The following GRID1 variants were observed in gnomAD, a reference collection of about 807,000 sequenced individuals.
GRID1 encodes glutamate ionotropic receptor delta type subunit 1.
In GRID1, 28 loss-of-function variants were observed where a neutral mutation model predicts 98.0. The ratio of observed to expected loss-of-function variants is 0.29; its 90% CI spans 0.21 to 0.39. GRID1 has a LOEUF of 0.39. GRID1 is among the 10% of genes least tolerant of loss of function. The probability of loss-of-function intolerance (pLI) is 1.00; values close to 1 mark genes in which losing one functional copy is unlikely to be tolerated. For synonymous variants in GRID1, 553 were observed against 538.5 expected (o/e 1.03, Z -0.37); for missense variants, 1,111 against 1,340.5 (o/e 0.83, Z 2.67).
At chr10:85,807,988 C>T (rs892707573) in intron 8 of GRID1, among the ~76,000 whole-genome samples, 1 of 151,854 alleles carries the variant, frequency 6.6e-6, no homozygotes, top group African/African-American at 2.4e-5. Context: ...CCAGGAGATA[C>T]CTTTATTTGA....
At chr10:86,194,830 C>T (rs1376194773) in intron 3 of GRID1, among the ~76,000 whole-genome samples, 2 of 151,962 alleles carry the variant, frequency 1.3e-5, no homozygotes, top group Non-Finnish European at 2.9e-5. Flanking sequence ...TGAAGGCCTC[C>T]CCCAGCTCTG....
At chr10:85,834,244 C>T (rs1842893792) in intron 8 of GRID1, among the ~76,000 whole-genome samples, 1 of 152,080 alleles carries the variant, frequency 6.6e-6, no homozygotes, top group Non-Finnish European at 1.5e-5. Context: ...TAGAAAGAAA[C>T]TACCCAGAAG....
chr10:85,786,878 TGGG>T (rs141078377), intron 8 of GRID1, among the ~76,000 whole-genome samples: 5,020 of 151,846 alleles, frequency 0.033, 125 homozygotes, highest in Non-Finnish European at 0.047. Context: ...GGAGGGGTGG[TGGG>T]AGGGAGAAGC....
At chr10:86,321,877 A>C (rs1445907584) in intron 2 of GRID1, among the ~76,000 whole-genome samples, 1 of 152,186 alleles carries the variant, frequency 6.6e-6, no homozygotes, top group East Asian at 1.9e-4. Flanking sequence ...CCTCACAGAT[A>C]GGACAACAGA....
intron 8 of GRID1, among the ~76,000 whole-genome samples, chr10:85,771,913 C>T (rs1369159982): frequency 8.5e-5 from 13 of 152,182 alleles, no homozygotes; most frequent in South Asian, 4.2e-4. Context: ...GACAGATCAA[C>T]GAGACAGAAA....
rs1265866224 is a variant in GRID1 at position 86,249,546 on chromosome 10, T to G, written c.236-42898A>C. ...GGGTCTTGACTACCACCCAAGCTCC[T>G]CTCCTACCACACTCCACCTCCATTT... On this transcript the variant is annotated intron_variant, in intron 2 of 15. Coordinates refer to ENST00000327946, the MANE Select transcript of GRID1 (RefSeq NM_017551.3). Among the ~76,000 whole-genome samples, 3 of 152,034 alleles carry G rather than the reference T, an allele frequency of 2.0e-5. No homozygotes were observed. In the East Asian group the frequency reaches 5.8e-4, roughly 29 times the overall value.
At chr10:85,979,049 T>G (rs976658929) in intron 4 of GRID1, among the ~76,000 whole-genome samples, 1 of 151,850 alleles carries the variant, frequency 6.6e-6, no homozygotes, top group East Asian at 1.9e-4. Context: ...GTGTATGTGG[T>G]GGGGTGGGGG....
intron 8 of GRID1, among the ~76,000 whole-genome samples, chr10:85,736,053 A>AGAAGGAAGGAGAGAGG (rs1352629748): frequency 8.6e-6 from 1 of 116,478 alleles, no homozygotes; most frequent in Non-Finnish European, 1.8e-5. Flanking sequence ...GAGAAAGGAA[A>AGAAGGAAGGAGAGAGG]GAAGGAAGGA....
chr10:86,009,500 G>A (rs1259507494), intron 4 of GRID1, among the ~76,000 whole-genome samples: 1 of 152,146 alleles, frequency 6.6e-6, no homozygotes, highest in African/African-American at 2.4e-5. Context: ...CCATCTGCTG[G>A]AACCAATTGC....
chr10:86,366,228 A>T lies in GRID1; in HGVS notation c.79+86T>A. On this transcript the variant is annotated intron_variant, in intron 1 of 15. Coordinates refer to ENST00000327946, the MANE Select transcript of GRID1 (RefSeq NM_017551.3). The surrounding 1 kb of genome is among the most constrained non-coding windows in gnomAD (Gnocchi z 4.1). Reference sequence around the variant, plus strand: ...CACCGCCCGCCGAGCCCCTCGGCCCAGGGAAACGCCAAGTTTGGACGCCGC... The same window carrying T: ...CACCGCCCGCCGAGCCCCTCGGCCCTGGGAAACGCCAAGTTTGGACGCCGC... The T allele has an allele frequency of 2.1e-6, 2 of 950,220 alleles. No homozygotes were observed. The highest frequency in any genetic ancestry group is 3.0e-6 in the Non-Finnish European group (2 of 669,768). 58.9% of individuals were successfully genotyped at this position (950,220 alleles called of 1,614,324 possible).
chr10:85,912,575 T>C (rs955817039), intron 5 of GRID1, among the ~76,000 whole-genome samples: 1 of 152,156 alleles, frequency 6.6e-6, no homozygotes, highest in African/African-American at 2.4e-5. Context: ...GCAGAGCCTG[T>C]AAGGAATGAG....
chr10:85,670,911 G>A (rs780037497), intron 12 of GRID1, among the ~76,000 whole-genome samples: 15 of 152,096 alleles, frequency 9.9e-5, no homozygotes, highest in Non-Finnish European at 1.9e-4. Flanking sequence ...CTTCTTACTT[G>A]CATAGGGCTG....
intron 12 of GRID1, 57 bp from the exon 13 acceptor site, chr10:85,647,454 G>T: frequency 7.4e-7 from 1 of 1,345,194 alleles, no homozygotes. Context: ...CACACTGCAA[G>T]GATACAAATG....
At chr10:85,643,709 T>C (rs1454246050) in intron 13 of GRID1, among the ~76,000 whole-genome samples, 1 of 152,148 alleles carries the variant, frequency 6.6e-6, no homozygotes, top group African/African-American at 2.4e-5. Context: ...ATTTGTCTAG[T>C]GCTGGCAGTC....
intron 4 of GRID1, among the ~76,000 whole-genome samples, chr10:86,129,287 C>A (rs1365641251): frequency 6.6e-6 from 1 of 152,198 alleles, no homozygotes; most frequent in Non-Finnish European, 1.5e-5. Context: ...CAATGTTCAC[C>A]TAGTCTGCTC....
intron 4 of GRID1, among the ~76,000 whole-genome samples, chr10:85,932,934 C>T (rs1290909112): frequency 6.6e-6 from 1 of 152,110 alleles, no homozygotes; most frequent in East Asian, 1.9e-4. Flanking sequence ...ACCCAAACTC[C>T]AAAACTTCTT....
At position 86,068,280 on chromosome 10, in the gene GRID1, C is replaced by A. The variant is rs560468771; in HGVS notation, c.726+70539G>T. Among the ~76,000 whole-genome samples the A allele has an allele frequency of 1.1e-4, 17 of 152,218 alleles. No homozygotes were observed. The South Asian group carries it at 1.9e-3, about 17-fold the overall frequency. On this transcript the variant is annotated intron_variant, in intron 4 of 15. Transcript: ENST00000327946. Reference sequence around the variant, plus strand: ...ATTTGCATGTCACCACGTTACTTCCCCATGTTTACAAGGGGCTATGTGAAG... The same window carrying A: ...ATTTGCATGTCACCACGTTACTTCCACATGTTTACAAGGGGCTATGTGAAG...
chr10:85,714,318 T>C (rs951030511), intron 12 of GRID1, among the ~76,000 whole-genome samples: 2 of 152,042 alleles, frequency 1.3e-5, no homozygotes, highest in Non-Finnish European at 2.9e-5. Flanking sequence ...TATGTTTATC[T>C]GAGTGATGAA....
At chr10:86,231,595 G>A (rs1846454400) in intron 2 of GRID1, among the ~76,000 whole-genome samples, 1 of 152,144 alleles carries the variant, frequency 6.6e-6, no homozygotes, top group Admixed American at 6.5e-5. Context: ...GCACAGTCGG[G>A]GTCATGTTAT....
Sources: allele counts gnomAD v4.1 joint callset (sites outside exome capture counted in the v4.1 genomes callset), GRCh38; gene constraint gnomAD v4.1.1; non-coding constraint Gnocchi (gnomAD v3.1); transcripts MANE v1.5; gene names NCBI Gene and HGNC (gene_info 2026-07-23, HGNC 2026-07-21).